LRRC28: variants seen among roughly 807,000 people sequenced by gnomAD.
LRRC28 encodes the protein leucine-rich repeat-containing protein 28.
Under a neutral mutation model 45.7 loss-of-function variants are expected in LRRC28, and 39 were observed. The ratio of observed to expected loss-of-function variants is 0.85; its 90% confidence interval spans 0.66 to 1.12. The LOEUF (loss-of-function observed/expected upper bound fraction) is 1.12, where lower values mean the gene tolerates loss of function less well. Among genes scored for constraint, LRRC28 ranks in the 50% most tolerant of loss-of-function variants. LRRC28 has a pLI of 0.00. For synonymous variants in LRRC28, 206 were observed against 178.8 expected, an observed-to-expected ratio of 1.15 and a Z score of -1.22; for missense variants, 435 against 438.5, an observed-to-expected ratio of 0.99 and a Z score of 0.07.
intron 5 of LRRC28, among the ~76,000 whole-genome samples, chr15:99,310,004 A>G (rs1955344273): frequency 6.6e-6 from 1 of 152,222 alleles, no homozygotes; most frequent in African/African-American, 2.4e-5. Context: ...TGTGCCAGAA[A>G]ACAGAATCAG....
chr15:99,364,079 A>G (rs1957279496), intron 9 of LRRC28, among the ~76,000 whole-genome samples: 1 of 152,172 alleles, frequency 6.6e-6, no homozygotes, highest in Non-Finnish European at 1.5e-5. Flanking sequence ...ATGTTAATAG[A>G]AACCTCTCCA....
intron 2 of LRRC28, chr15:99,259,294 A>G: frequency 1.7e-6 from 2 of 1,144,554 alleles, no homozygotes; most frequent in Non-Finnish European, 2.7e-6. Context: ...GACTTCTGAA[A>G]AGGGGCTATG....
At chr15:99,258,398 G>C in intron 2 of LRRC28, 1 of 991,426 alleles carries the variant, frequency 1.0e-6, no homozygotes, top group Non-Finnish European at 1.6e-6. Flanking sequence ...TGATTACCTT[G>C]CATTGGATAC....
At chr15:99,284,631 T>G (rs1482263903) in intron 3 of LRRC28, 3 of 514,788 alleles carry the variant, frequency 5.8e-6, no homozygotes, top group South Asian at 4.2e-5. Flanking sequence ...TAAAATCTTC[T>G]GACACTGCCA....
At chr15:99,370,958 T>G (rs186067560) in intron 9 of LRRC28, among the ~76,000 whole-genome samples, 3 of 152,292 alleles carry the variant, frequency 2.0e-5, no homozygotes, top group East Asian at 1.9e-4. Flanking sequence ...ATATTTTTAA[T>G]TATTAAAACA....
intron 5 of LRRC28, among the ~76,000 whole-genome samples, chr15:99,302,449 C>T (rs780126741): frequency 2.6e-5 from 4 of 152,086 alleles, no homozygotes; most frequent in Admixed American, 1.3e-4. Context: ...AGTGCAATGG[C>T]GCAATCTTGG....
At chr15:99,255,552 C>T (rs978215257) in intron 1 of LRRC28, among the ~76,000 whole-genome samples, 1 of 151,874 alleles carries the variant, frequency 6.6e-6, no homozygotes, top group Admixed American at 6.6e-5. Context: ...ATGGGGTTTG[C>T]TGCATTTGAT....
At chr15:99,314,438 TAAATAAATAAATAAA>T (rs1955522145) in intron 5 of LRRC28, among the ~76,000 whole-genome samples, 1 of 69,216 alleles carries the variant, frequency 1.4e-5, no homozygotes, top group Non-Finnish European at 2.4e-5. Context: ...ACCTTGTCTC[TAAATAAATAAATAAA>T]TAAATAAATA....
intron 6 of LRRC28, among the ~76,000 whole-genome samples, chr15:99,340,463 C>T (rs1357600936): frequency 1.3e-5 from 2 of 152,226 alleles, no homozygotes; most frequent in African/African-American, 4.8e-5. Context: ...AAAGTCCACA[C>T]AGTAAAACTA....
chr15:99,265,141 C>T (rs955691365), intron 2 of LRRC28, among the ~76,000 whole-genome samples: 1 of 152,140 alleles, frequency 6.6e-6, no homozygotes, highest in Non-Finnish European at 1.5e-5. Context: ...CAGTTGGTGA[C>T]TAAGCTTATG....
intron 7 of LRRC28, among the ~76,000 whole-genome samples, chr15:99,357,852 A>T (rs58097925): frequency 0.089 from 13,556 of 152,078 alleles, 633 homozygotes; most frequent in African/African-American, 0.11. Context: ...AGCCACATAT[A>T]ATAATAATTT....
intron 9 of LRRC28, among the ~76,000 whole-genome samples, chr15:99,377,006 C>T (rs565985152): frequency 6.6e-5 from 10 of 152,248 alleles, no homozygotes; most frequent in Admixed American, 2.6e-4. Context: ...AATAAACATA[C>T]GTGTGCATTT....
chr15:99,287,821 G>T lies in LRRC28; in HGVS notation c.255G>T (p.Gly85=). 5 of 1,609,086 alleles carry T rather than the reference G, an allele frequency of 3.1e-6. No individual in the cohort carries two copies. Among genetic ancestry groups the T allele is most frequent in the Non-Finnish European group, 4.2e-6 (5 of 1,177,432 alleles). The part of the protein sequence containing the change: ...NNIVVVPEAI[G]SLVKLQCLDL... ...CTCCTTTTCTCTTTGAAGCCATTGG[G>T]TCTCTTGTAAAACTCCAATGTCTGG... The change falls in exon 5 of 10, where the codon GGG becomes GGT. Residue 85 remains glycine (G), a synonymous_variant. Transcript: ENST00000301981.
chr15:99,315,511 T>C (rs1316826559), intron 5 of LRRC28, among the ~76,000 whole-genome samples: 1 of 152,190 alleles, frequency 6.6e-6, no homozygotes, highest in Non-Finnish European at 1.5e-5. Context: ...CTATTGACAG[T>C]CCATATGCTT....
intron 9 of LRRC28, among the ~76,000 whole-genome samples, chr15:99,366,030 TAC>T (rs1957332042): frequency 6.6e-6 from 1 of 152,246 alleles, no homozygotes; most frequent in Non-Finnish European, 1.5e-5. Flanking sequence ...GTATGGGTCT[TAC>T]AAGTTCCATA....
intron 9 of LRRC28, among the ~76,000 whole-genome samples, chr15:99,374,365 A>G: frequency 6.6e-6 from 1 of 152,166 alleles, no homozygotes; most frequent in East Asian, 1.9e-4. Flanking sequence ...CTTGTAAATG[A>G]TACTGTGTTT....
At chr15:99,256,877 C>T (rs2081037862) in intron 2 of LRRC28, among the ~76,000 whole-genome samples, 1 of 152,076 alleles carries the variant, frequency 6.6e-6, no homozygotes. Flanking sequence ...AATGGATTTA[C>T]TTTGTATGGC....
At chr15:99,375,551 T>C (rs908400803) in intron 9 of LRRC28, among the ~76,000 whole-genome samples, 6 of 152,306 alleles carry the variant, frequency 3.9e-5, no homozygotes, top group Admixed American at 1.3e-4. Flanking sequence ...TTTTCAAAAA[T>C]TTATCTTTTT....
At chr15:99,378,030 T>G (rs1957697930) in intron 9 of LRRC28, among the ~76,000 whole-genome samples, 1 of 152,226 alleles carries the variant, frequency 6.6e-6, no homozygotes, top group South Asian at 2.1e-4. Context: ...ATGCAGGCCC[T>G]TTTTTGGTTC....
Sources: gnomAD v4.1 joint callset for allele counts (sites outside exome capture counted in the v4.1 genomes callset) on GRCh38, gnomAD v4.1.1 for gene constraint, MANE v1.5 for transcripts, NCBI Gene and HGNC (gene_info 2026-07-23, HGNC 2026-07-21) for gene names.